The following IRS1 variants were observed in gnomAD, a reference collection of about 807,000 sequenced individuals.
IRS1 encodes insulin receptor substrate 1.
A neutral mutation model predicts 65.6 loss-of-function variants in IRS1; 34 were observed. The observed-to-expected ratio is 0.52, with a 90% CI of 0.39 to 0.69. IRS1 has a LOEUF of 0.69. IRS1 is among the 30% of genes least tolerant of loss of function. The pLI is 0.00. For synonymous variants in IRS1, 699 were observed against 683.5 expected (o/e 1.02, Z -0.35); for missense variants, 1,641 against 1,720.2 (o/e 0.95, Z 0.81).
intron 1 of IRS1, among the ~76,000 whole-genome samples, chr2:226,782,366 C>T (rs1404926366): frequency 6.6e-6 from 1 of 152,208 alleles, no homozygotes; most frequent in Non-Finnish European, 1.5e-5. Context: ...AACTAAAGTA[C>T]TGCCTTTGCT....
At chr2:226,751,315 G>C (rs373907031) in intron 1 of IRS1, among the ~76,000 whole-genome samples, 1 of 116,672 alleles carries the variant, frequency 8.6e-6, no homozygotes, top group Non-Finnish European at 1.6e-5. Context: ...ACAGAGTCTC[G>C]CTTTGTCGCC....
intron 1 of IRS1, among the ~76,000 whole-genome samples, chr2:226,745,428 T>A (rs996998078): frequency 6.6e-6 from 1 of 152,264 alleles, no homozygotes; most frequent in Non-Finnish European, 1.5e-5. Flanking sequence ...ATGGCTGTCA[T>A]GCTTTTTAAA....
At position 226,797,097 on chromosome 2, in the gene IRS1, T is replaced by G. The variant is rs771648318; in HGVS notation, c.1642A>C (p.Ile548Leu). The change falls in exon 1 of 2, where the codon ATT becomes CTT. Residue 548 changes from isoleucine to leucine, a missense_variant. Coordinates refer to ENST00000305123, the MANE Select transcript of IRS1 (RefSeq NM_005544.3). This position sits in a 1 kb window ranked among gnomAD's most constrained non-coding sequence, Gnocchi z 8.1. ...KTPSQSSVAS[I>L]EEYTEMMPAY... ...GGCATCATCTCTGTGTACTCCTCAA[T>G]GGAAGCCACTGAGGACTGGGACGGG... The G allele has an allele frequency of 9.3e-6, 15 of 1,613,468 alleles. No individual in the cohort carries two copies. The highest frequency in any genetic ancestry group is 1.3e-5 in the African/African-American group (1 of 74,922).
At position 226,796,840 on chromosome 2, in the gene IRS1, C is replaced by A; in HGVS notation, c.1899G>T (p.Met633Ile). The A allele has an allele frequency of 1.3e-6, 2 of 1,552,460 alleles. No homozygotes were observed. Among genetic ancestry groups the A allele is most frequent in the East Asian group, 4.5e-5 (2 of 44,334 alleles). ...CAGATACGCTCTTGGGGCTCATGGG[C>A]ATATAGTCTCCACTGCCCTTTCGGC... ...PSGRKGSGDY[M>I]PMSPKSVSAP... is the part of the protein sequence containing the mutation. The change falls in exon 1 of 2, where the codon ATG becomes ATT. Residue 633 changes from methionine to isoleucine, a missense_variant. Physicochemically the swap from Met to Ile is conservative, Grantham distance 10 (BLOSUM62 1). Around this residue, in one of 3 missense-constraint regions of IRS1, gnomAD observed 1,324 missense variants for 1,361.0 expected, o/e 0.97. Transcript: ENST00000305123.
chr2:226,791,869 G>A (rs1474354251), intron 1 of IRS1, among the ~76,000 whole-genome samples: 1 of 152,138 alleles, frequency 6.6e-6, no homozygotes, highest in Non-Finnish European at 1.5e-5. Context: ...GAGACGGGCG[G>A]GGGCGGGAGA....
chr2:226,755,485 ATAAT>A (rs1293419351), intron 1 of IRS1, among the ~76,000 whole-genome samples: 8 of 152,252 alleles, frequency 5.3e-5, no homozygotes, highest in Non-Finnish European at 1.0e-4. Flanking sequence ...ACTGAGAGCT[ATAAT>A]TAAGTGTGTT....
At chr2:226,751,274 AT>A (rs35699614) in intron 1 of IRS1, among the ~76,000 whole-genome samples, 233 of 77,542 alleles carry the variant, frequency 3.0e-3, no homozygotes, top group African/African-American at 5.4e-3. Flanking sequence ...CCACACGGGT[AT>A]TTTTTTTTTT....
chr2:226,746,387 G>T (rs1013930561), intron 1 of IRS1, among the ~76,000 whole-genome samples: 1 of 152,154 alleles, frequency 6.6e-6, no homozygotes, highest in Non-Finnish European at 1.5e-5. Context: ...GATCTAGCCA[G>T]TCAATGCTGC....
At position 226,774,104 on chromosome 2, in the gene IRS1, G is replaced by A. The variant is rs547147683; in HGVS notation, c.*21+20885C>T. Among the ~76,000 whole-genome samples, 12 of 152,172 alleles carry A rather than the reference G, an allele frequency of 7.9e-5. No homozygotes were observed. The East Asian group carries it at 1.2e-3, about 15-fold the overall frequency. The stretch of plus-strand genomic sequence containing the variant: ...AGTTCCAGATTCCCACTGGACGTCC[G>A]GAAAGCACAACAGCCAAGCCTCAAT... On this transcript the variant is annotated intron_variant, in intron 1 of 1. Coordinates refer to ENST00000305123, the MANE Select transcript of IRS1 (RefSeq NM_005544.3).
chr2:226,772,712 T>C (rs925883655), intron 1 of IRS1, among the ~76,000 whole-genome samples: 4 of 151,400 alleles, frequency 2.6e-5, no homozygotes, highest in Non-Finnish European at 4.4e-5. Flanking sequence ...AGTCCTCTTA[T>C]AGAAGATGAT....
rs1314679403 is a variant in IRS1 at position 226,735,004 on chromosome 2, T to C, written c.*1268A>G. ...TAACACTGGAAGTTCTCAAAAAATA[T>C]GAGATAAGGTAAGAGTCTTAGGGAA... On this transcript the variant is annotated 3_prime_UTR_variant, in exon 2 of 2. Coordinates refer to ENST00000305123, the MANE Select transcript of IRS1 (RefSeq NM_005544.3). 1 of 152,106 alleles carries C rather than the reference T, an allele frequency of 6.6e-6. No homozygotes were observed. The highest frequency in any genetic ancestry group is 2.4e-5 in the African/African-American group (1 of 41,436). 9.4% of individuals were successfully genotyped at this position (152,106 alleles called of 1,614,324 possible).
intron 1 of IRS1, among the ~76,000 whole-genome samples, chr2:226,779,621 A>G (rs938457030): frequency 1.1e-4 from 16 of 152,272 alleles, no homozygotes; most frequent in African/African-American, 3.1e-4. Flanking sequence ...ACTAATTTAT[A>G]TTACAGATCT....
At chr2:226,737,142 T>A (rs1419429016) in intron 1 of IRS1, among the ~76,000 whole-genome samples, 1 of 133,788 alleles carries the variant, frequency 7.5e-6, no homozygotes, top group African/African-American at 2.8e-5. Context: ...CCTTCCTGCA[T>A]CCATGTGATC....
In IRS1 at chr2:226,746,279, T is replaced by C. The variant is rs1414787894; in HGVS notation, c.*22-10029A>G. Among the ~76,000 whole-genome samples the C allele has an allele frequency of 2.0e-5, 3 of 152,180 alleles. 1 individual carries two copies. The highest frequency in any genetic ancestry group is 3.8e-4 in the East Asian group (2 of 5,202). On this transcript the variant is annotated intron_variant, in intron 1 of 1. Coordinates refer to ENST00000305123, the MANE Select transcript of IRS1 (RefSeq NM_005544.3). Reference sequence around the variant, plus strand: ...TGCATTATTTCTAGGTTCTAAAGCATGTTTATGATTGTTGGGGGTGGGGGC... The same window carrying C: ...TGCATTATTTCTAGGTTCTAAAGCACGTTTATGATTGTTGGGGGTGGGGGC...
chr2:226,752,740 G>A (rs1260162792), intron 1 of IRS1, among the ~76,000 whole-genome samples: 2 of 152,198 alleles, frequency 1.3e-5, no homozygotes, highest in Non-Finnish European at 2.9e-5. Flanking sequence ...CAATGAGAAT[G>A]TAGTATGTAA....
chr2:226,736,291 C>T (rs1938323997), intron 1 of IRS1, 41 bp from the exon 2 acceptor site: 1 of 152,202 alleles, frequency 6.6e-6, no homozygotes, highest in African/African-American at 2.4e-5. Context: ...ACAGGTATCT[C>T]AAACTGCACA....
At chr2:226,769,081 G>A (rs1939114503) in intron 1 of IRS1, among the ~76,000 whole-genome samples, 1 of 152,140 alleles carries the variant, frequency 6.6e-6, no homozygotes, top group South Asian at 2.1e-4. Flanking sequence ...TCAATATATT[G>A]CAATATTGTT....
chr2:226,785,420 T>A (rs945788307), intron 1 of IRS1, among the ~76,000 whole-genome samples: 1 of 151,910 alleles, frequency 6.6e-6, no homozygotes, highest in Non-Finnish European at 1.5e-5. Flanking sequence ...TTGGCCAACA[T>A]GGTGAAACCC....
At chr2:226,776,787 A>C (rs1223794980) in intron 1 of IRS1, among the ~76,000 whole-genome samples, 1 of 152,128 alleles carries the variant, frequency 6.6e-6, no homozygotes, top group Admixed American at 6.5e-5. Flanking sequence ...CACACCCATA[A>C]TCCCAACTAC....
Sources: gnomAD v4.1 joint callset for allele counts (sites outside exome capture counted in the v4.1 genomes callset) on GRCh38, gnomAD v4.1.1 for gene constraint, gnomAD v4.1.1 regional missense constraint, Gnocchi (gnomAD v3.1) non-coding constraint, MANE v1.5 for transcripts, NCBI Gene and HGNC (gene_info 2026-07-23, HGNC 2026-07-21) for gene names.